BCAR3: variants seen among roughly 807,000 people sequenced by gnomAD.
BCAR3 encodes breast cancer anti-estrogen resistance protein 3.
Under a neutral mutation model 80.1 loss-of-function variants are expected in BCAR3, and 37 were observed. The observed-to-expected ratio is 0.46, with a 90% CI of 0.36 to 0.61. The LOEUF (loss-of-function observed/expected upper bound fraction) is 0.61, where lower values mean the gene tolerates loss of function less well. BCAR3 is among the 20% of genes least tolerant of loss of function. The pLI is 0.00. For missense variants in BCAR3, 978 were observed against 1,068.2 expected (o/e 0.92, Z 1.18); for synonymous variants, 389 against 418.9 (o/e 0.93, Z 0.87).
intron 3 of BCAR3, among the ~76,000 whole-genome samples, chr1:93,609,984 A>C (rs1359513687): frequency 6.6e-6 from 1 of 152,242 alleles, no homozygotes; most frequent in Non-Finnish European, 1.5e-5. Context: ...GAGCAACACC[A>C]AATCAGTGAT....
chr1:93,659,713 C>T (rs1412479374), intron 2 of BCAR3, among the ~76,000 whole-genome samples: 2 of 152,054 alleles, frequency 1.3e-5, no homozygotes, highest in African/African-American at 4.8e-5. Context: ...AATCTCCTCA[C>T]CTTGCTCCTT....
intron 2 of BCAR3, among the ~76,000 whole-genome samples, chr1:93,706,948 G>A (rs1649845299): frequency 6.6e-6 from 1 of 152,268 alleles, no homozygotes; most frequent in Non-Finnish European, 1.5e-5. Context: ...ATGCAGAGGC[G>A]GGTGGATCAC....
intron 3 of BCAR3, chr1:93,602,332 T>G (rs1429216105): frequency 6.6e-6 from 1 of 152,188 alleles, no homozygotes; most frequent in Non-Finnish European, 1.5e-5. Context: ...GGCTGTGAAC[T>G]GTACCAGGTG....
At chr1:93,568,310 T>C (rs900416488) in intron 9 of BCAR3, among the ~76,000 whole-genome samples, 1 of 152,088 alleles carries the variant, frequency 6.6e-6, no homozygotes, top group East Asian at 1.9e-4. Flanking sequence ...TAATCCCCCA[T>C]CCGCCCCATC....
chr1:93,827,688 C>G (rs1390855897), intron 2 of BCAR3, among the ~76,000 whole-genome samples: 1 of 149,840 alleles, frequency 6.7e-6, no homozygotes, highest in African/African-American at 2.5e-5. Context: ...GTAAACGCAT[C>G]TAAAAGGAAA....
intron 10 of BCAR3, 82 bp from the exon 11 acceptor site, chr1:93,567,573 T>C (rs2101800270): frequency 6.6e-7 from 1 of 1,507,394 alleles, no homozygotes; most frequent in South Asian, 1.2e-5. Context: ...AGCCCTTGTC[T>C]TGTTACAGCA....
At chr1:93,633,192 TCTC>T (rs1283762211) in intron 3 of BCAR3, among the ~76,000 whole-genome samples, 2 of 152,124 alleles carry the variant, frequency 1.3e-5, no homozygotes, top group East Asian at 3.8e-4. Context: ...CAAATGGACA[TCTC>T]CTTTCCTCCC....
Position 93,786,055 on chromosome 1 carries a change from T to C in BCAR3, c.-63+59512A>G, listed in dbSNP as rs1328505413. ...AAAAATACAAAAAATTAGCCGGGCG[T>C]GGTGGCGGGCGCCTGTAGTCCCAGC... On this transcript the variant is annotated intron_variant, in intron 2 of 13. Transcript: ENST00000370244. Among the ~76,000 whole-genome samples the C allele has an allele frequency of 3.6e-5, 5 of 139,994 alleles. 1 individual carries two copies. The highest frequency in any genetic ancestry group is 2.2e-4 in the South Asian group (1 of 4,518). The allele number at this position is 139,994 out of a possible 152,430, so 91.8% of individuals were successfully genotyped here.
intron 3 of BCAR3, among the ~76,000 whole-genome samples, chr1:93,640,092 G>A (rs59996315): frequency 0.14 from 20,606 of 152,126 alleles, 1,497 homozygotes; most frequent in African/African-American, 0.18. Flanking sequence ...AAGAAGTTAA[G>A]GGGGTCAAAC....
intron 2 of BCAR3, among the ~76,000 whole-genome samples, chr1:93,785,826 G>C (rs1348800079): frequency 6.6e-6 from 1 of 152,184 alleles, no homozygotes; most frequent in African/African-American, 2.4e-5. Context: ...CCCTGAATCT[G>C]AGTGGGACTT....
intron 10 of BCAR3, 69 bp from the exon 11 acceptor site, chr1:93,567,560 C>G: frequency 6.5e-7 from 1 of 1,548,094 alleles, no homozygotes; most frequent in Non-Finnish European, 8.8e-7. Context: ...TGAGGTGACT[C>G]ATAGCCCTTG....
At chr1:93,672,711 G>T (rs1648271740) in intron 2 of BCAR3, among the ~76,000 whole-genome samples, 1 of 152,198 alleles carries the variant, frequency 6.6e-6, no homozygotes, top group African/African-American at 2.4e-5. Context: ...CACCCACCTA[G>T]ATTTTGTGGA....
Position 93,688,581 on chromosome 1 carries a change from G to GT in BCAR3, c.-11-13641dup, listed in dbSNP as rs562888430. 3.7e-4 allele frequency among the ~76,000 whole-genome samples: 56 copies of GT among 150,752 alleles called. 1 individual carries two copies. The highest frequency in any genetic ancestry group is 5.9e-4 in the Non-Finnish European group (40 of 67,632). On this transcript the variant is annotated intron_variant, in intron 3 of 13. Coordinates refer to the BCAR3 transcript ENST00000370244. ...TGTGTCTGTGTATATATATATGTAT[G>GT]TTTTTTTTTACATTACTTATTTATT... is the stretch of plus-strand genomic sequence containing the variant.
At chr1:93,742,436 G>A (rs1980083) in intron 2 of BCAR3, among the ~76,000 whole-genome samples, 63,468 of 152,074 alleles carry the variant, frequency 0.42, 13,785 homozygotes, top group East Asian at 0.73. Flanking sequence ...AATAGTTTCT[G>A]ATAATCTCCC....
At chr1:93,566,301 A>ACAAT (rs1016884747) in intron 11 of BCAR3, among the ~76,000 whole-genome samples, 1 of 152,002 alleles carries the variant, frequency 6.6e-6, no homozygotes, top group African/African-American at 2.4e-5. Flanking sequence ...TTGTCCTTTA[A>ACAAT]CAATCAATGC....
chr1:93,737,661 T>C (rs1431153646), intron 2 of BCAR3, among the ~76,000 whole-genome samples: 1 of 152,204 alleles, frequency 6.6e-6, no homozygotes, highest in African/African-American at 2.4e-5. Context: ...CTGTGGTCAT[T>C]TGTTACAGCA....
chr1:93,790,296 TAATAG>T (rs1653096946), intron 2 of BCAR3, among the ~76,000 whole-genome samples: 1 of 152,338 alleles, frequency 6.6e-6, no homozygotes, highest in East Asian at 1.9e-4. Context: ...AGTTTGTGCT[TAATAG>T]AATAATCATC....
chr1:93,574,801 G>A (rs1419821195), intron 8 of BCAR3, among the ~76,000 whole-genome samples: 2 of 152,194 alleles, frequency 1.3e-5, no homozygotes, highest in African/African-American at 2.4e-5. Flanking sequence ...GTCTCATCAG[G>A]AAGAGCAGGG....
In BCAR3 at chr1:93,592,172, C is replaced by A; in HGVS notation, c.486+93G>T. On this transcript the variant is annotated intron_variant, in intron 4 of 11. Coordinates refer to ENST00000260502, the MANE Select transcript of BCAR3 (RefSeq NM_003567.4). This position sits in a 1 kb window ranked among gnomAD's most constrained non-coding sequence, Gnocchi z 4.8. ...TTTTTGGTTACACAGGTGCTTCCGC[C>A]CATGTGGCCTCGGAGTGGGACCCTG... The A allele has an allele frequency of 6.5e-7, 1 of 1,543,192 alleles. No homozygotes were observed. Among genetic ancestry groups the A allele is most frequent in the South Asian group, 1.2e-5 (1 of 85,368 alleles).
Sources: gnomAD v4.1 joint callset for allele counts (sites outside exome capture counted in the v4.1 genomes callset) on GRCh38, gnomAD v4.1.1 for gene constraint, Gnocchi (gnomAD v3.1) non-coding constraint, MANE v1.5 for transcripts, NCBI Gene and HGNC (gene_info 2026-07-23, HGNC 2026-07-21) for gene names.